JAZF1: variants seen among roughly 807,000 people sequenced by gnomAD.
JAZF1 encodes the protein JAZF zinc finger 1.
Under a neutral mutation model 26.4 loss-of-function variants are expected in JAZF1, and 8 were observed. The ratio of observed to expected loss-of-function variants is 0.30; its 90% CI spans 0.18 to 0.55. The LOEUF is 0.55. Ranked by LOEUF, JAZF1 falls within the 20% of genes least tolerant of loss-of-function variation. JAZF1 has a pLI of 0.94. For missense variants in JAZF1, 199 were observed against 322.0 expected (o/e 0.62, Z 2.92); for synonymous variants, 126 against 122.3 (o/e 1.03, Z -0.20).
intron 2 of JAZF1, among the ~76,000 whole-genome samples, chr7:27,940,146 A>G (rs1014365655): frequency 2.6e-5 from 4 of 152,154 alleles, no homozygotes; most frequent in African/African-American, 4.8e-5. Flanking sequence ...GCCAGCCCTG[A>G]GCATGCCCCC....
chr7:28,120,770 T>C (rs577684203), intron 1 of JAZF1, among the ~76,000 whole-genome samples: 2 of 152,232 alleles, frequency 1.3e-5, no homozygotes, highest in South Asian at 2.1e-4. Flanking sequence ...TGCTCAGCTC[T>C]GCCCTGCTAC....
intron 1 of JAZF1, among the ~76,000 whole-genome samples, chr7:28,109,321 T>C (rs2158624): frequency 0.23 from 34,757 of 152,156 alleles, 5,402 homozygotes; most frequent in East Asian, 0.54. Flanking sequence ...ACATTGTATA[T>C]GGTAAATATA....
chr7:27,910,369 G>A lies in JAZF1; in HGVS notation c.189-14953C>T, dbSNP rs544391485. Among the ~76,000 whole-genome samples the A allele has an allele frequency of 2.0e-5, 3 of 152,204 alleles. No individual in the cohort carries two copies. The South Asian group carries it at 6.2e-4, about 32-fold the overall frequency. ...GGGTTATCTGGAAAAAAATTCAGGGGGTATGTGTGTGTTTAAATTTTTCAA... is the reference window on the plus strand; with the variant it reads ...GGGTTATCTGGAAAAAAATTCAGGGAGTATGTGTGTGTTTAAATTTTTCAA... On this transcript the variant is annotated intron_variant, in intron 2 of 4. Coordinates refer to ENST00000283928, the MANE Select transcript of JAZF1 (RefSeq NM_175061.4).
intron 2 of JAZF1, among the ~76,000 whole-genome samples, chr7:27,897,134 C>T (rs1784081359): frequency 1.3e-5 from 2 of 152,050 alleles, no homozygotes; most frequent in African/African-American, 4.8e-5. Context: ...TGCTGAGCTT[C>T]TCACACTGGG....
At chr7:28,037,434 C>A (rs1783313104) in intron 1 of JAZF1, among the ~76,000 whole-genome samples, 1 of 152,056 alleles carries the variant, frequency 6.6e-6, no homozygotes, top group Admixed American at 6.6e-5. Flanking sequence ...TTTTATGACT[C>A]ATGTAAAACA....
At chr7:27,889,557 G>A (rs563980240) in intron 3 of JAZF1, among the ~76,000 whole-genome samples, 23 of 152,230 alleles carry the variant, frequency 1.5e-4, no homozygotes, top group African/African-American at 5.5e-4. Context: ...TATGGGAAAA[G>A]AAAAAGAAGA....
intron 2 of JAZF1, among the ~76,000 whole-genome samples, chr7:27,955,477 T>C (rs1785072615): frequency 6.6e-6 from 1 of 152,216 alleles, no homozygotes; most frequent in Admixed American, 6.5e-5. Context: ...ATCACCTCCC[T>C]AAAGCCTTGT....
At chr7:28,119,861 C>T (rs924000344) in intron 1 of JAZF1, among the ~76,000 whole-genome samples, 1 of 152,212 alleles carries the variant, frequency 6.6e-6, no homozygotes, top group African/African-American at 2.4e-5. Flanking sequence ...CTGCACCTTA[C>T]CCCACTAGTC....
At chr7:27,987,468 C>T (rs950462171) in intron 2 of JAZF1, among the ~76,000 whole-genome samples, 6 of 152,100 alleles carry the variant, frequency 3.9e-5, no homozygotes, top group African/African-American at 9.7e-5. Flanking sequence ...GCAGCCGCCC[C>T]GTCCAGGAGG....
intron 1 of JAZF1, among the ~76,000 whole-genome samples, chr7:28,110,498 G>GAAAGGA (rs772483102): frequency 2.7e-4 from 10 of 37,708 alleles, no homozygotes; most frequent in African/African-American, 7.0e-4. Context: ...GAAAGGAAAG[G>GAAAGGA]AAAGGAAAAG....
chr7:27,951,015 A>G (rs753793721), intron 2 of JAZF1, among the ~76,000 whole-genome samples: 1 of 152,152 alleles, frequency 6.6e-6, no homozygotes, highest in African/African-American at 2.4e-5. Flanking sequence ...ATTTTAAATG[A>G]TATTTAAATA....
chr7:28,006,015 C>T (rs1489200040), intron 1 of JAZF1, among the ~76,000 whole-genome samples: 1 of 152,086 alleles, frequency 6.6e-6, no homozygotes, highest in East Asian at 1.9e-4. Context: ...GGCTCCTACA[C>T]ATGAAGAGGT....
chr7:27,841,381 G>T (rs969567666), intron 3 of JAZF1: 1 of 152,472 alleles, frequency 6.6e-6, no homozygotes, highest in Non-Finnish European at 1.5e-5. Flanking sequence ...TGAATTTCAG[G>T]TCTTTTTCTT....
In JAZF1 at chr7:27,839,004, C is replaced by T. The variant is rs6967961; in HGVS notation, c.555+1694G>A. Among the ~76,000 whole-genome samples, 494 of 152,030 alleles carry T rather than the reference C, an allele frequency of 3.2e-3. 3 individuals are homozygous for T. The highest frequency in any genetic ancestry group is 0.011 in the African/African-American group (475 of 41,428). On this transcript the variant is annotated intron_variant, in intron 4 of 4. Transcript: ENST00000283928. ...CCCCCACCAACCCAGACACAGAGAA[C>T]GGAAGGGGGAAACTGCCAGAAACCC...
At chr7:28,179,156 T>G (rs1306564155) in intron 1 of JAZF1, among the ~76,000 whole-genome samples, 1 of 152,214 alleles carries the variant, frequency 6.6e-6, no homozygotes, top group African/African-American at 2.4e-5. Flanking sequence ...GGGGGCAATT[T>G]ACAGGTTCTC....
intron 1 of JAZF1, among the ~76,000 whole-genome samples, chr7:28,098,410 G>A (rs1245817081): frequency 6.6e-6 from 1 of 151,984 alleles, no homozygotes; most frequent in African/African-American, 2.4e-5. Flanking sequence ...GACACTTCCT[G>A]AGTGCAAGGA....
chr7:28,031,086 A>G (rs1273359374), intron 1 of JAZF1, among the ~76,000 whole-genome samples: 1 of 152,202 alleles, frequency 6.6e-6, no homozygotes, highest in African/African-American at 2.4e-5. Flanking sequence ...TCTACTTAGT[A>G]TATGGTCTAG....
At chr7:27,992,088 T>C in intron 1 of JAZF1, 107 bp from the exon 2 acceptor site, 1 of 755,488 alleles carries the variant, frequency 1.3e-6, no homozygotes, top group Non-Finnish European at 2.5e-6. Context: ...ATTAATTTAG[T>C]ACACCACTTT....
intron 1 of JAZF1, among the ~76,000 whole-genome samples, chr7:28,027,281 A>G (rs770529792): frequency 7.9e-5 from 12 of 152,306 alleles, no homozygotes; most frequent in Admixed American, 2.6e-4. Context: ...AGTAGGAAAA[A>G]GTGGTTCCTA....
Sources: allele counts gnomAD v4.1 joint callset (sites outside exome capture counted in the v4.1 genomes callset), GRCh38; gene constraint gnomAD v4.1.1; transcripts MANE v1.5; gene names NCBI Gene and HGNC (gene_info 2026-07-23, HGNC 2026-07-21).